The following OPCML variants were observed in gnomAD, a reference collection of about 807,000 sequenced individuals.
OPCML encodes opioid-binding protein/cell adhesion molecule.
OPCML carries 13 observed loss-of-function variants against 37.8 expected under a neutral mutation model. The observed-to-expected ratio is 0.34, with a 90% CI of 0.22 to 0.55. OPCML has a LOEUF of 0.55. Ranked by LOEUF, OPCML falls within the 20% of genes least tolerant of loss-of-function variation. The probability of loss-of-function intolerance (pLI) is 0.91; values close to 1 mark genes in which losing one functional copy is unlikely to be tolerated. For synonymous variants in OPCML, 176 were observed against 168.8 expected (o/e 1.04, Z -0.33); for missense variants, 341 against 435.6 (o/e 0.78, Z 1.93).
chr11:133,029,691 C>T (rs1003126340), intron 1 of OPCML, among the ~76,000 whole-genome samples: 16 of 151,944 alleles, frequency 1.1e-4, no homozygotes, highest in Middle Eastern at 3.2e-3. Flanking sequence ...GACAGAAAAA[C>T]GGGAACAATA....
chr11:132,762,152 C>T (rs541802514), intron 2 of OPCML, among the ~76,000 whole-genome samples: 83 of 152,334 alleles, frequency 5.4e-4, no homozygotes, highest in South Asian at 1.0e-3. Context: ...TGCAGAACAG[C>T]GAAGATTGCT....
At chr11:132,529,550 A>G (rs1471950617) in intron 3 of OPCML, among the ~76,000 whole-genome samples, 9 of 152,194 alleles carry the variant, frequency 5.9e-5, no homozygotes, top group Admixed American at 5.9e-4. Context: ...TCAGTGGCAT[A>G]AGCTGATAAC....
chr11:132,702,629 A>T (rs1943873328), intron 2 of OPCML, among the ~76,000 whole-genome samples: 1 of 151,646 alleles, frequency 6.6e-6, no homozygotes. Context: ...GTTTTTTGTC[A>T]TTTTTCCCTT....
intron 4 of OPCML, among the ~76,000 whole-genome samples, chr11:132,459,460 C>CTA (rs1301333193): frequency 2.6e-4 from 38 of 147,308 alleles, no homozygotes; most frequent in Middle Eastern, 3.6e-3. Context: ...TATCTACTTC[C>CTA]TATATATATA....
intron 1 of OPCML, among the ~76,000 whole-genome samples, chr11:133,425,005 A>G (rs1228381080): frequency 6.6e-6 from 1 of 152,216 alleles, no homozygotes; most frequent in Non-Finnish European, 1.5e-5. Context: ...TTCTTGACCC[A>G]GAAGATTAAG....
intron 1 of OPCML, among the ~76,000 whole-genome samples, chr11:133,032,995 G>C (rs1447286641): frequency 6.6e-6 from 1 of 152,042 alleles, no homozygotes; most frequent in Non-Finnish European, 1.5e-5. Flanking sequence ...TAATTAGTCT[G>C]TCTTTCTCCC....
chr11:133,482,752 T>C (rs1277486359), intron 1 of OPCML, among the ~76,000 whole-genome samples: 1 of 152,152 alleles, frequency 6.6e-6, no homozygotes, highest in East Asian at 1.9e-4. Flanking sequence ...TTGTTATCTA[T>C]TTTAACTCAG....
At chr11:133,499,859 C>CACATAT (rs1248231061) in intron 1 of OPCML, among the ~76,000 whole-genome samples, 1 of 122,170 alleles carries the variant, frequency 8.2e-6, no homozygotes, top group African/African-American at 3.7e-5. Context: ...TATACATACA[C>CACATAT]ATATATATAT....
At chr11:132,519,175 G>A (rs749151108) in intron 4 of OPCML, among the ~76,000 whole-genome samples, 27 of 152,184 alleles carry the variant, frequency 1.8e-4, no homozygotes, top group Non-Finnish European at 3.7e-4. Context: ...TTTGTTGTAA[G>A]ATGTGTTAAT....
intron 1 of OPCML, among the ~76,000 whole-genome samples, chr11:133,513,086 G>A (rs1002599078): frequency 6.6e-6 from 1 of 152,092 alleles, no homozygotes; most frequent in African/African-American, 2.4e-5. Flanking sequence ...CCTAGAGGTA[G>A]CAATTCTCCC....
At position 132,581,222 on chromosome 11, in the gene OPCML, A is replaced by T. The variant is rs578100857; in HGVS notation, c.380-52036T>A. 4.6e-5 allele frequency among the ~76,000 whole-genome samples: 7 copies of T among 152,308 alleles called. No individual in the cohort carries two copies. The South Asian group carries it at 1.5e-3, about 32-fold the overall frequency. ...GGTGAAGCAACAATCTCCCAGTTAC[A>T]TGGGTTATAGTCATTTAATGATTTA... is the stretch of plus-strand genomic sequence containing the variant. On this transcript the variant is annotated intron_variant, in intron 3 of 7. Transcript: ENST00000524381.
chr11:132,915,161 T>A (rs1260444797), intron 2 of OPCML, among the ~76,000 whole-genome samples: 1 of 152,190 alleles, frequency 6.6e-6, no homozygotes, highest in Non-Finnish European at 1.5e-5. Flanking sequence ...CTCATTCACC[T>A]CTTCAGGGGC....
chr11:133,240,795 T>C (rs562129297), intron 1 of OPCML, among the ~76,000 whole-genome samples: 43 of 152,282 alleles, frequency 2.8e-4, no homozygotes, highest in Non-Finnish European at 5.7e-4. Context: ...AGGCAACAAA[T>C]ATCACATCCC....
rs1236223753 is a variant in OPCML, at chr11:132,419,139, G to T, written c.*1054C>A. On this transcript the variant is annotated 3_prime_UTR_variant, in exon 8 of 8. Coordinates refer to ENST00000524381, the MANE Select transcript of OPCML (RefSeq NM_001012393.5). ...ACAGAAGTTGAAAGATAATTTTGAA[G>T]ATGCCAATGTCTGCTGATGGTGTAT... 1.3e-5 allele frequency: 2 copies of T among 152,566 alleles called. No individual in the cohort carries two copies. Among genetic ancestry groups the T allele is most frequent in the Non-Finnish European group, 2.9e-5 (2 of 68,054 alleles). The allele number at this position is 152,566 out of a possible 1,614,324, so 9.5% of individuals were successfully genotyped here. A position where few individuals can be genotyped will look rare whatever the true frequency, so the allele number is the denominator to read the frequency against.
intron 1 of OPCML, among the ~76,000 whole-genome samples, chr11:132,962,932 C>A (rs907054040): frequency 3.3e-5 from 5 of 152,188 alleles, no homozygotes; most frequent in Admixed American, 3.3e-4. Context: ...GATAAGAAGA[C>A]AAAACAGAGA....
chr11:132,424,340 C>G (rs567953686), intron 7 of OPCML, among the ~76,000 whole-genome samples: 2 of 152,194 alleles, frequency 1.3e-5, no homozygotes, highest in African/African-American at 4.8e-5. Context: ...AGGATGTTCT[C>G]GAACTCCTGA....
intron 3 of OPCML, among the ~76,000 whole-genome samples, chr11:132,621,352 A>C (rs1939396294): frequency 6.6e-6 from 1 of 152,244 alleles, no homozygotes; most frequent in African/African-American, 2.4e-5. Context: ...CATGAATAAA[A>C]ATGTTCAGAG....
chr11:132,984,579 G>A (rs1946650597), intron 1 of OPCML, among the ~76,000 whole-genome samples: 1 of 152,140 alleles, frequency 6.6e-6, no homozygotes, highest in Admixed American at 6.5e-5. Context: ...CAAGCTGCCT[G>A]GCAGCCACAG....
rs185286475 is a variant in OPCML, at chr11:133,099,227, G to A, written c.62-156217C>T. Among the ~76,000 whole-genome samples the A allele has an allele frequency of 1.6e-4, 24 of 151,680 alleles. No homozygotes were observed. In the East Asian group the frequency reaches 4.5e-3, roughly 28 times the overall value. On this transcript the variant is annotated intron_variant, in intron 1 of 7. Coordinates refer to ENST00000524381, the MANE Select transcript of OPCML (RefSeq NM_001012393.5). ...TTCATGTTCATAAATAGAGTCAATA[G>A]TCTCCGAAACTTTGCCAACATCTGT...
Sources: gnomAD v4.1 joint callset for allele counts (sites outside exome capture counted in the v4.1 genomes callset) on GRCh38, gnomAD v4.1.1 for gene constraint, MANE v1.5 for transcripts, NCBI Gene and HGNC (gene_info 2026-07-23, HGNC 2026-07-21) for gene names.